The following NUBPL variants were observed in gnomAD, a reference collection of about 807,000 sequenced individuals.
NUBPL encodes iron-sulfur cluster transfer protein NUBPL.
A neutral mutation model predicts 45.7 loss-of-function variants in NUBPL; 31 were observed. That is an observed-to-expected ratio of 0.68 (90% confidence interval 0.51 to 0.92). The LOEUF is 0.92. Ranked by LOEUF, NUBPL falls within the 40% of genes least tolerant of loss-of-function variation. NUBPL has a pLI of 0.00. For synonymous variants in NUBPL, 144 were observed against 140.9 expected, an observed-to-expected ratio of 1.02 and a Z score of -0.15; for missense variants, 401 against 398.7, an observed-to-expected ratio of 1.01 and a Z score of -0.05.
chr14:31,768,219 A>G (rs1307810000), intron 6 of NUBPL, among the ~76,000 whole-genome samples: 2 of 152,228 alleles, frequency 1.3e-5, no homozygotes, highest in Non-Finnish European at 2.9e-5. Flanking sequence ...CCTATCAAGC[A>G]ATAGGGCAAA....
At chr14:31,576,699 G>A (rs181269015) in intron 3 of NUBPL, among the ~76,000 whole-genome samples, 44 of 152,180 alleles carry the variant, frequency 2.9e-4, no homozygotes, top group Admixed American at 1.4e-3. Flanking sequence ...CTTCTAAATC[G>A]TTCCCACTTT....
intron 6 of NUBPL, among the ~76,000 whole-genome samples, chr14:31,729,176 G>A (rs1566527375): frequency 6.6e-6 from 1 of 151,924 alleles, no homozygotes; most frequent in Non-Finnish European, 1.5e-5. Flanking sequence ...ATACTTGGGA[G>A]GCTGAGGCAA....
chr14:31,627,560 C>T (rs1034883444), intron 4 of NUBPL, among the ~76,000 whole-genome samples: 1 of 151,790 alleles, frequency 6.6e-6, no homozygotes, highest in Non-Finnish European at 1.5e-5. Flanking sequence ...GGGCGGATCA[C>T]GAGGTCAGGA....
At chr14:31,759,371 A>G (rs781132510) in intron 6 of NUBPL, among the ~76,000 whole-genome samples, 1 of 152,000 alleles carries the variant, frequency 6.6e-6, no homozygotes, top group Non-Finnish European at 1.5e-5. Flanking sequence ...TATGCCGCAT[A>G]TAGTCGTATC....
chr14:31,771,354 T>C (rs942239170), intron 6 of NUBPL, among the ~76,000 whole-genome samples: 8 of 152,134 alleles, frequency 5.3e-5, no homozygotes, highest in African/African-American at 1.7e-4. Context: ...GGAAAGCAAA[T>C]GAATAATTCT....
At chr14:31,814,919 A>G (rs2039885201) in intron 7 of NUBPL, among the ~76,000 whole-genome samples, 1 of 152,138 alleles carries the variant, frequency 6.6e-6, no homozygotes, top group South Asian at 2.1e-4. Flanking sequence ...TACCAGTATC[A>G]TGCTGTTTTG....
intron 4 of NUBPL, among the ~76,000 whole-genome samples, chr14:31,666,263 A>ATTT: frequency 0.037 from 4,114 of 111,776 alleles, 349 homozygotes; most frequent in African/African-American, 0.11. Flanking sequence ...ATATATATAT[A>ATTT]ATTTTATTTT....
chr14:31,695,904 A>G (rs182699900), intron 6 of NUBPL, among the ~76,000 whole-genome samples: 112 of 152,378 alleles, frequency 7.4e-4, no homozygotes, highest in Non-Finnish European at 1.2e-3. Context: ...TCACTAATTT[A>G]CTTTTATTTT....
intron 6 of NUBPL, among the ~76,000 whole-genome samples, chr14:31,704,118 C>T (rs12892973): frequency 0.37 from 55,854 of 151,930 alleles, 12,580 homozygotes; most frequent in East Asian, 0.6. Flanking sequence ...TTTCTGCTGA[C>T]AGAGGGGTGG....
intron 4 of NUBPL, chr14:31,654,234 A>C (rs975155701): frequency 6.6e-6 from 2 of 304,454 alleles, no homozygotes; most frequent in Non-Finnish European, 1.4e-5. Context: ...GTCTAAAAAT[A>C]TGTATGTACC....
intron 4 of NUBPL, among the ~76,000 whole-genome samples, chr14:31,608,071 A>G (rs1340776841): frequency 6.6e-6 from 1 of 152,228 alleles, no homozygotes; most frequent in Non-Finnish European, 1.5e-5. Flanking sequence ...CTTACAGGCC[A>G]AGAGAGAATG....
chr14:31,837,484 A>G (rs538280311), intron 8 of NUBPL, among the ~76,000 whole-genome samples: 1 of 152,204 alleles, frequency 6.6e-6, no homozygotes, highest in Non-Finnish European at 1.5e-5. Context: ...GGAAATATAA[A>G]CCATGGAAAT....
chr14:31,726,095 C>A (rs572612083), intron 6 of NUBPL, among the ~76,000 whole-genome samples: 7 of 152,178 alleles, frequency 4.6e-5, no homozygotes, highest in Non-Finnish European at 7.4e-5. Flanking sequence ...AATGTTATGG[C>A]CTTTCTCATA....
intron 7 of NUBPL, among the ~76,000 whole-genome samples, chr14:31,793,851 T>TATTTTTTCCCAA (rs2039432498): frequency 7.3e-6 from 1 of 137,862 alleles, no homozygotes; most frequent in Admixed American, 7.0e-5. Context: ...ATTTTTTTTT[T>TATTTTTTCCCAA]TATTTTTTCC....
chr14:31,686,462 A>G (rs1475677693), intron 6 of NUBPL, among the ~76,000 whole-genome samples: 3 of 152,200 alleles, frequency 2.0e-5, no homozygotes, highest in African/African-American at 7.2e-5. Flanking sequence ...GATATTAGAA[A>G]CTTAGGCTTT....
At chr14:31,609,734 C>T (rs2139595365) in intron 4 of NUBPL, among the ~76,000 whole-genome samples, 1 of 152,078 alleles carries the variant, frequency 6.6e-6, no homozygotes, top group Non-Finnish European at 1.5e-5. Context: ...TCTCTGACCA[C>T]AATGGAATAA....
Position 31,859,257 on chromosome 14 carries a change from C to T in NUBPL, c.*77C>T. 9.7e-7 allele frequency: 1 copy of T among 1,032,434 alleles called. No individual in the cohort carries two copies. The highest frequency in any genetic ancestry group is 2.4e-5 in the East Asian group (1 of 41,522). The allele number at this position is 1,032,434 out of a possible 1,614,324, so 64.0% of individuals were successfully genotyped here. ...GGAAATCAGCAATGTGGTGATGGAA[C>T]CTACAGAAATAATAGAAATCATAAC... is the stretch of plus-strand genomic sequence containing the variant. On this transcript the variant is annotated 3_prime_UTR_variant, in exon 11 of 11. Transcript: ENST00000281081.
At position 31,625,247 on chromosome 14, in the gene NUBPL, AT is replaced by A. The variant is rs143772305; in HGVS notation, c.382+25870del. On this transcript the variant is annotated intron_variant, in intron 4 of 10. Transcript: ENST00000281081. ...TTTAGCATGGCTAAATAGGATAATA[AT>A]TGAAAATTACATTTTAGATTTGACA... Among the ~76,000 whole-genome samples, 987 of 152,304 alleles carry A rather than the reference AT, an allele frequency of 6.5e-3. 10 individuals are homozygous for A. Among genetic ancestry groups the A allele is most frequent in the African/African-American group, 0.022 (924 of 41,566 alleles).
intron 3 of NUBPL, among the ~76,000 whole-genome samples, chr14:31,569,029 AT>A (rs1254455623): frequency 1.3e-5 from 2 of 152,204 alleles, no homozygotes; most frequent in African/African-American, 4.8e-5. Flanking sequence ...AAACAAATAT[AT>A]TAACATATTG....
Sources: gnomAD v4.1 joint callset for allele counts (sites outside exome capture counted in the v4.1 genomes callset) on GRCh38, gnomAD v4.1.1 for gene constraint, MANE v1.5 for transcripts, NCBI Gene and HGNC (gene_info 2026-07-23, HGNC 2026-07-21) for gene names.